SNRPG: variants seen among roughly 807,000 people sequenced by gnomAD.
SNRPG encodes the protein small nuclear ribonucleoprotein G.
In SNRPG, 3 loss-of-function variants were observed where a neutral mutation model predicts 13.9. The ratio of observed to expected loss-of-function variants is 0.22; its 90% CI spans 0.10 to 0.56. The LOEUF (loss-of-function observed/expected upper bound fraction) is 0.56. Ranked by LOEUF, SNRPG falls within the 20% of genes least tolerant of loss-of-function variation. The pLI is 0.93. For missense variants in SNRPG, 34 were observed against 96.1 expected (o/e 0.35, Z 2.70); for synonymous variants, 29 against 29.3 (o/e 0.99, Z 0.03).
In SNRPG at chr2:70,293,387, A is replaced by G. The variant is rs1697154835; in HGVS notation, c.32+231T>C. 3.8e-5 allele frequency: 24 copies of G among 629,056 alleles called. 1 individual carries two copies. The South Asian group carries it at 4.3e-4, about 11-fold the overall frequency. The allele number at this position is 629,056 out of a possible 1,614,324, so 39.0% of individuals were successfully genotyped here. ...GGCCAGACCGCGGGACCTGGAGACT[A>G]GTCGGCCGGAAGGAGGTGCCGTGGC... On this transcript the variant is annotated intron_variant, in intron 1 of 3. Transcript: ENST00000272348.
At chr2:70,288,417 T>C (rs1346749101) in intron 2 of SNRPG, among the ~76,000 whole-genome samples, 1 of 152,196 alleles carries the variant, frequency 6.6e-6, no homozygotes, top group Non-Finnish European at 1.5e-5. Flanking sequence ...AGAACTAAAC[T>C]TCAGAGCTTT....
chr2:70,282,726 G>A (rs1207410140), intron 3 of SNRPG, among the ~76,000 whole-genome samples: 1 of 152,120 alleles, frequency 6.6e-6, no homozygotes, highest in Non-Finnish European at 1.5e-5. Flanking sequence ...GAACCTAGAG[G>A]CAGAAAGAGA....
At chr2:70,281,820 A>T in intron 3 of SNRPG, 136 bp from the exon 4 acceptor site, 1 of 548,392 alleles carries the variant, frequency 1.8e-6, no homozygotes, top group Non-Finnish European at 3.3e-6. Context: ...TTCAAGCCAC[A>T]GGGACACCAA....
rs1697160736 is a variant in SNRPG at position 70,293,533 on chromosome 2, G to T, written c.32+85C>A. 1.8e-5 allele frequency: 21 copies of T among 1,139,320 alleles called. No homozygotes were observed. The South Asian group carries it at 2.2e-4, about 12-fold the overall frequency. The allele number at this position is 1,139,320 out of a possible 1,614,324, so 70.6% of individuals were successfully genotyped here. A position where few individuals can be genotyped will look rare whatever the true frequency, so the allele number is the denominator to read the frequency against. On this transcript the variant is annotated intron_variant, in intron 1 of 3. Transcript: ENST00000272348. ...GAAGAAATGAAGTGAAGCGGCTCAA[G>T]ACATTCGGCTAACGGAGAGGGAACC...
chr2:70,285,354 A>C (rs529466349), intron 3 of SNRPG, among the ~76,000 whole-genome samples: 4 of 152,252 alleles, frequency 2.6e-5, no homozygotes, highest in Middle Eastern at 3.4e-3. Flanking sequence ...CAGGTGGCTC[A>C]TGCGGTCAGG....
intron 1 of SNRPG, 72 bp from the exon 2 acceptor site, chr2:70,289,444 A>G: frequency 2.6e-6 from 2 of 762,918 alleles, no homozygotes; most frequent in Admixed American, 5.7e-5. Flanking sequence ...AAATAGGTAT[A>G]GTTAAGATAA....
chr2:70,287,187 T>C (rs1442006248), intron 3 of SNRPG: 3 of 620,264 alleles, frequency 4.8e-6, no homozygotes, highest in Admixed American at 2.8e-5. Context: ...GATGTCAAAA[T>C]AGGTCTATCT....
chr2:70,286,188 G>A (rs747218670), intron 3 of SNRPG, among the ~76,000 whole-genome samples: 1 of 152,062 alleles, frequency 6.6e-6, no homozygotes, highest in Non-Finnish European at 1.5e-5. Context: ...TCAGCCTCTC[G>A]AAGTGCTGGG....
intron 1 of SNRPG, among the ~76,000 whole-genome samples, chr2:70,290,179 T>C (rs1215310770): frequency 6.6e-6 from 1 of 152,078 alleles, no homozygotes; most frequent in African/African-American, 2.4e-5. Flanking sequence ...CTGGATTTTA[T>C]AGTCACAAGA....
intron 1 of SNRPG, 47 bp from the exon 2 acceptor site, chr2:70,289,419 T>G (rs1573996173): frequency 9.2e-7 from 1 of 1,083,672 alleles, no homozygotes; most frequent in East Asian, 2.6e-5. Flanking sequence ...TAAAAAAATT[T>G]AAGCATAAAC....
At chr2:70,291,948 ATTTTT>A in intron 1 of SNRPG, among the ~76,000 whole-genome samples, 1 of 136,770 alleles carries the variant, frequency 7.3e-6, no homozygotes, top group African/African-American at 2.7e-5. Flanking sequence ...AGTAACTTCT[ATTTTT>A]TTTTTTTTTT....
intron 3 of SNRPG, among the ~76,000 whole-genome samples, chr2:70,286,428 A>C (rs1174079143): frequency 6.6e-6 from 1 of 152,206 alleles, no homozygotes; most frequent in Non-Finnish European, 1.5e-5. Flanking sequence ...GCCTTTTAAA[A>C]TGTCTTTTAT....
chr2:70,292,630 T>C (rs1697129469), intron 1 of SNRPG: 1 of 157,448 alleles, frequency 6.4e-6, no homozygotes. Context: ...ATTACAGGCG[T>C]GAGCCACTGT....
chr2:70,290,298 A>G (rs138873291), intron 1 of SNRPG, among the ~76,000 whole-genome samples: 101 of 152,300 alleles, frequency 6.6e-4, no homozygotes, highest in African/African-American at 2.3e-3. Flanking sequence ...ATTTGAAATA[A>G]GTAGTGTTCT....
Position 70,293,447 on chromosome 2 carries a change from C to G in SNRPG, c.32+171G>C, listed in dbSNP as rs968462452. On this transcript the variant is annotated intron_variant, in intron 1 of 3. Transcript: ENST00000272348. ...TAACCACACCGACGCGCGAGCTCTG[C>G]GCGGGCTTCACGTCTCATGCGCGGG... 5.1e-5 allele frequency: 36 copies of G among 709,280 alleles called. No homozygotes were observed. In the Middle Eastern group the frequency reaches 7.2e-4, roughly 14 times the overall value. The allele number at this position is 709,280 out of a possible 1,614,324, so 43.9% of individuals were successfully genotyped here.
At chr2:70,282,370 T>C (rs1270391684) in intron 3 of SNRPG, among the ~76,000 whole-genome samples, 3 of 152,040 alleles carry the variant, frequency 2.0e-5, no homozygotes, top group Admixed American at 6.6e-5. Context: ...GGATGGGAAA[T>C]TGTGAAAGGC....
chr2:70,287,622 A>G (rs942180465), intron 3 of SNRPG, among the ~76,000 whole-genome samples: 7 of 152,216 alleles, frequency 4.6e-5, no homozygotes, highest in African/African-American at 1.7e-4. Flanking sequence ...TACAAGTAAA[A>G]TCAGAAAGTG....
At chr2:70,283,265 C>G (rs1696859805) in intron 3 of SNRPG, among the ~76,000 whole-genome samples, 1 of 151,880 alleles carries the variant, frequency 6.6e-6, no homozygotes, top group South Asian at 2.1e-4. Context: ...CCCTAATAGA[C>G]TGGAGATCAT....
At chr2:70,287,963 T>C (rs1437928651) in intron 3 of SNRPG, 105 bp downstream of exon 3, 1 of 1,035,684 alleles carries the variant, frequency 9.7e-7, no homozygotes, top group African/African-American at 1.6e-5. Context: ...GAAAGTCTAA[T>C]CTTGCCTGTT....
Sources: gnomAD v4.1 joint callset for allele counts (sites outside exome capture counted in the v4.1 genomes callset) on GRCh38, gnomAD v4.1.1 for gene constraint, MANE v1.5 for transcripts, NCBI Gene and HGNC (gene_info 2026-07-23, HGNC 2026-07-21) for gene names.